The following CSNK2A1 variants were observed in gnomAD, a reference collection of about 807,000 sequenced individuals.
CSNK2A1 encodes the protein casein kinase II subunit alpha.
CSNK2A1 carries 10 observed loss-of-function variants against 62.9 expected under a neutral mutation model. The ratio of observed to expected loss-of-function variants is 0.16; its 90% CI spans 0.10 to 0.27. The LOEUF (loss-of-function observed/expected upper bound fraction) is 0.27. CSNK2A1 is among the 10% of genes least tolerant of loss of function. The probability of loss-of-function intolerance (pLI) is 1.00; values close to 1 mark genes in which losing one functional copy is unlikely to be tolerated. For synonymous variants in CSNK2A1, 124 were observed against 167.8 expected, an observed-to-expected ratio of 0.74 and a Z score of 2.02; for missense variants, 160 against 492.0, an observed-to-expected ratio of 0.33 and a Z score of 6.38.
chr20:542,495 G>A (rs919888963), intron 1 of CSNK2A1, among the ~76,000 whole-genome samples: 6 of 152,138 alleles, frequency 3.9e-5, no homozygotes, highest in Non-Finnish European at 2.9e-5. Flanking sequence ...GTGCAGTGGC[G>A]GATCTCAGCT....
rs1289846478 is a variant in CSNK2A1 at position 473,789 on chromosome 20, T to A, written c.*10172A>T. ...TGTCATCTCTTCCATTTTGTGCCTG[T>A]CTCTCCTTAGATTTGAAGCCAGTTG... On this transcript the variant is annotated 3_prime_UTR_variant, in exon 14 of 14. Coordinates refer to ENST00000217244, the MANE Select transcript of CSNK2A1 (RefSeq NM_177559.3). 6.6e-6 allele frequency: 1 copy of A among 152,328 alleles called. No homozygotes were observed. The highest frequency in any genetic ancestry group is 2.4e-5 in the African/African-American group (1 of 41,464). The allele number at this position is 152,328 out of a possible 1,614,324, so 9.4% of individuals were successfully genotyped here. A position where few individuals can be genotyped will look rare whatever the true frequency, so the allele number is the denominator to read the frequency against.
At chr20:490,907 A>AG (rs2018218943) in intron 9 of CSNK2A1, among the ~76,000 whole-genome samples, 1 of 151,730 alleles carries the variant, frequency 6.6e-6, no homozygotes, top group African/African-American at 2.4e-5. Flanking sequence ...AAAAAAAAAA[A>AG]AAAACCTCCA....
intron 7 of CSNK2A1, among the ~76,000 whole-genome samples, chr20:496,884 C>G (rs1313334889): frequency 2.0e-5 from 3 of 152,034 alleles, no homozygotes; most frequent in African/African-American, 7.2e-5. Context: ...GGACAATTAC[C>G]CTTTGAGAAC....
chr20:487,741 G>A, intron 11 of CSNK2A1, 166 bp from the exon 12 acceptor site: 4 of 812,742 alleles, frequency 4.9e-6, no homozygotes, highest in Non-Finnish European at 7.6e-6. Context: ...GGACAACAAA[G>A]CTAACTGGAG....
rs2017908766 is a variant in CSNK2A1, at chr20:479,241, T to C, written c.*4720A>G. The C allele has an allele frequency of 6.6e-6, 1 of 152,210 alleles. No individual in the cohort carries two copies. Among genetic ancestry groups the C allele is most frequent in the African/African-American group, 2.4e-5 (1 of 41,442 alleles). 9.4% of individuals were successfully genotyped at this position (152,210 alleles called of 1,614,324 possible). ...TTACTGTACATAGTCTGCACAACTG[T>C]ACAATTTAGAAGAGAAACCAACATT... is the stretch of plus-strand genomic sequence containing the variant. On this transcript the variant is annotated 3_prime_UTR_variant, in exon 14 of 14. Coordinates refer to ENST00000217244, the MANE Select transcript of CSNK2A1 (RefSeq NM_177559.3).
At chr20:517,743 A>C (rs1397978153) in intron 2 of CSNK2A1, among the ~76,000 whole-genome samples, 1 of 152,198 alleles carries the variant, frequency 6.6e-6, no homozygotes, top group Admixed American at 6.5e-5. Context: ...AAATGACCAA[A>C]GGCTGGCACA....
At chr20:521,075 A>G (rs927345530) in intron 2 of CSNK2A1, among the ~76,000 whole-genome samples, 12 of 152,244 alleles carry the variant, frequency 7.9e-5, no homozygotes, top group African/African-American at 2.7e-4. Context: ...CATGGGCTGT[A>G]AAACTGATAA....
chr20:530,612 T>G (rs540450586), intron 1 of CSNK2A1, among the ~76,000 whole-genome samples: 1 of 152,036 alleles, frequency 6.6e-6, no homozygotes, highest in African/African-American at 2.4e-5. Flanking sequence ...TAGCTGGGAC[T>G]ATGGGTGTGC....
chr20:488,560 A>C (rs760403708), intron 11 of CSNK2A1, 118 bp downstream of exon 11: 12 of 988,768 alleles, frequency 1.2e-5, no homozygotes, highest in Non-Finnish European at 1.9e-5. Flanking sequence ...GTGGCACTGG[A>C]CCACTGACAT....
chr20:535,512 T>C (rs1191434832), intron 1 of CSNK2A1, among the ~76,000 whole-genome samples: 1 of 152,116 alleles, frequency 6.6e-6, no homozygotes, highest in Non-Finnish European at 1.5e-5. Flanking sequence ...CCCCAGCACT[T>C]TGGGAGGCTG....
At chr20:489,507 T>C (rs943607375) in intron 10 of CSNK2A1, 4 of 409,356 alleles carry the variant, frequency 9.8e-6, no homozygotes, top group Non-Finnish European at 1.7e-5. Flanking sequence ...ATATTGGAGA[T>C]AAGGGTTTAT....
chr20:533,131 C>CA (rs957349649), intron 1 of CSNK2A1, among the ~76,000 whole-genome samples: 15 of 151,904 alleles, frequency 9.9e-5, no homozygotes, highest in African/African-American at 3.6e-4. Context: ...CTCAAAAAAA[C>CA]AAAAAAATAT....
chr20:479,775 C>CTTGGA lies in CSNK2A1; in HGVS notation c.*4185_*4186insTCCAA. On this transcript the variant is annotated 3_prime_UTR_variant, in exon 14 of 14. Coordinates refer to ENST00000217244, the MANE Select transcript of CSNK2A1 (RefSeq NM_177559.3). ...TTTACTTGGAGAATAGTCTGAATTT[C>CTTGGA]GTATTACACGTTGAGCATTTCTAAT... 1.3e-5 allele frequency: 2 copies of CTTGGA among 152,146 alleles called. No individual in the cohort carries two copies. Among genetic ancestry groups the CTTGGA allele is most frequent in the Non-Finnish European group, 2.9e-5 (2 of 68,018 alleles). The allele number at this position is 152,146 out of a possible 1,614,324, so 9.4% of individuals were successfully genotyped here.
intron 2 of CSNK2A1, among the ~76,000 whole-genome samples, chr20:513,194 C>T (rs372357700): frequency 1.3e-5 from 2 of 152,222 alleles, no homozygotes; most frequent in Non-Finnish European, 1.5e-5. Context: ...TTTACAGCCA[C>T]TTTACTCTTC....
At chr20:507,689 G>C (rs934353945) in intron 3 of CSNK2A1, 1 of 152,182 alleles carries the variant, frequency 6.6e-6, no homozygotes, top group African/African-American at 2.4e-5. Flanking sequence ...TACCTCTTTG[G>C]AGAACTGTTT....
chr20:485,643 T>C (rs961435759), intron 13 of CSNK2A1, among the ~76,000 whole-genome samples: 2 of 152,218 alleles, frequency 1.3e-5, no homozygotes, highest in Non-Finnish European at 2.9e-5. Context: ...TGTTTTGTTA[T>C]TACAAATAAG....
At chr20:511,100 A>G (rs1427986840) in intron 2 of CSNK2A1, among the ~76,000 whole-genome samples, 1 of 152,070 alleles carries the variant, frequency 6.6e-6, no homozygotes, top group African/African-American at 2.4e-5. Context: ...TCACTTTGGG[A>G]GGCTTAAGAG....
intron 6 of CSNK2A1, 127 bp from the exon 7 acceptor site, chr20:497,907 C>T (rs2018378468): frequency 4.2e-6 from 3 of 722,686 alleles, no homozygotes; most frequent in Middle Eastern, 6.3e-4. Flanking sequence ...CCATTCACTG[C>T]CCTCTATTTC....
At position 477,358 on chromosome 20, in the gene CSNK2A1, C is replaced by G. The variant is rs2017866953; in HGVS notation, c.*6603G>C. On this transcript the variant is annotated 3_prime_UTR_variant, in exon 14 of 14. Transcript: ENST00000217244. ...GGACACAGGCGCACACCACCACACT[C>G]AGCTAATCTATTTTTTGTAGAGGTG... 1 of 152,216 alleles carries G rather than the reference C, an allele frequency of 6.6e-6. No homozygotes were observed. The highest frequency in any genetic ancestry group is 2.4e-5 in the African/African-American group (1 of 41,428). 9.4% of individuals were successfully genotyped at this position (152,216 alleles called of 1,614,324 possible). A position where few individuals can be genotyped will look rare whatever the true frequency, so the allele number is the denominator to read the frequency against.
Sources: gnomAD v4.1 joint callset for allele counts (sites outside exome capture counted in the v4.1 genomes callset) on GRCh38, gnomAD v4.1.1 for gene constraint, MANE v1.5 for transcripts, NCBI Gene and HGNC (gene_info 2026-07-23, HGNC 2026-07-21) for gene names.